TSNARE1: variants seen among roughly 807,000 people sequenced by gnomAD.
TSNARE1 encodes the protein t-SNARE domain-containing protein 1.
Under a neutral mutation model 62.0 loss-of-function variants are expected in TSNARE1, and 49 were observed. That is an observed-to-expected ratio of 0.79 (90% CI 0.63 to 1.00). The LOEUF (loss-of-function observed/expected upper bound fraction) is 1.00, where lower values mean the gene tolerates loss of function less well. TSNARE1 is among the 50% of genes least tolerant of loss of function. The pLI, the probability that TSNARE1 is intolerant of heterozygous loss-of-function variation, is 0.00. For synonymous variants in TSNARE1, 328 were observed against 294.4 expected (o/e 1.11, Z -1.17); for missense variants, 755 against 700.1 (o/e 1.08, Z -0.88).
intron 12 of TSNARE1, among the ~76,000 whole-genome samples, chr8:142,256,123 A>C: frequency 8.2e-6 from 1 of 122,668 alleles, no homozygotes; most frequent in Non-Finnish European, 1.7e-5. Context: ...CACCATCACC[A>C]CCATCATCAC....
chr8:142,330,659 C>G (rs1042454776), intron 6 of TSNARE1, among the ~76,000 whole-genome samples: 1 of 152,218 alleles, frequency 6.6e-6, no homozygotes, highest in African/African-American at 2.4e-5. Flanking sequence ...TACGTCGGGG[C>G]GGGGTGCACC....
chr8:142,357,124 AGAG>A (rs1834809121), intron 1 of TSNARE1, among the ~76,000 whole-genome samples: 1 of 152,202 alleles, frequency 6.6e-6, no homozygotes, highest in Non-Finnish European at 1.5e-5. Flanking sequence ...CCGAGGAAGG[AGAG>A]TTCCAGAAAG....
chr8:142,271,667 C>A, intron 12 of TSNARE1: 4 of 1,393,340 alleles, frequency 2.9e-6, no homozygotes, highest in South Asian at 1.6e-5. Context: ...CCACAAGCAG[C>A]TGGGGGTCTC....
chr8:142,329,830 TA>T (rs1054839301), intron 6 of TSNARE1, among the ~76,000 whole-genome samples: 5 of 152,100 alleles, frequency 3.3e-5, no homozygotes, highest in South Asian at 2.1e-4. Context: ...TTCAGTTTTA[TA>T]AAAGAGCTTA....
At chr8:142,265,726 G>A (rs72687347) in intron 12 of TSNARE1, among the ~76,000 whole-genome samples, 25,075 of 152,224 alleles carry the variant, frequency 0.16, 2,462 homozygotes, top group Middle Eastern at 0.26. Context: ...GTGCATGAGC[G>A]AGCCATTTCT....
At chr8:142,272,928 T>A in intron 12 of TSNARE1, 2 of 985,378 alleles carry the variant, frequency 2.0e-6, no homozygotes, top group Non-Finnish European at 2.4e-6. Flanking sequence ...GGACATTCTA[T>A]GCAGAGGCAA....
At chr8:142,380,142 G>A (rs1836629243) in intron 1 of TSNARE1, among the ~76,000 whole-genome samples, 4 of 152,214 alleles carry the variant, frequency 2.6e-5, no homozygotes. Flanking sequence ...CACGTCACCA[G>A]GCACTGTCCT....
At chr8:142,233,705 C>G (rs1171415692) in intron 12 of TSNARE1, among the ~76,000 whole-genome samples, 1 of 152,198 alleles carries the variant, frequency 6.6e-6, no homozygotes, top group Non-Finnish European at 1.5e-5. Flanking sequence ...GAACCAGTGC[C>G]TAGGTTATGG....
intron 4 of TSNARE1, among the ~76,000 whole-genome samples, chr8:142,332,940 C>CG (rs1478261545): frequency 2.6e-5 from 4 of 152,182 alleles, no homozygotes; most frequent in Non-Finnish European, 1.5e-5. Flanking sequence ...CAAGAGATAC[C>CG]GGGGAAGGGA....
chr8:142,395,051 C>A (rs1276797230), intron 1 of TSNARE1, among the ~76,000 whole-genome samples: 1 of 152,216 alleles, frequency 6.6e-6, no homozygotes, highest in Non-Finnish European at 1.5e-5. Context: ...CATCGCTGTT[C>A]CTGTCCCCCA....
chr8:142,285,429 TGGATA>T (rs199665590), intron 10 of TSNARE1, among the ~76,000 whole-genome samples: 1,288 of 111,770 alleles, frequency 0.012, 6 homozygotes, highest in Non-Finnish European at 0.016. Flanking sequence ...GATGGATGGA[TGGATA>T]GATGTGTGGG....
intron 9 of TSNARE1, 25 bp from the exon 10 acceptor site, chr8:142,300,669 T>C (rs1219130563): frequency 3.1e-6 from 5 of 1,601,048 alleles, no homozygotes; most frequent in African/African-American, 1.3e-5. Context: ...CAGATCTTGT[T>C]AGCACTGACC....
At chr8:142,260,630 A>G (rs1818812780) in intron 12 of TSNARE1, among the ~76,000 whole-genome samples, 1 of 152,128 alleles carries the variant, frequency 6.6e-6, no homozygotes, top group Non-Finnish European at 1.5e-5. Flanking sequence ...CGATGTGGCC[A>G]GAGACCTCTC....
chr8:142,241,640 T>C (rs1817671198), intron 12 of TSNARE1, among the ~76,000 whole-genome samples: 1 of 152,202 alleles, frequency 6.6e-6, no homozygotes, highest in African/African-American at 2.4e-5. Context: ...AGCAGGGTAC[T>C]GGCACAAAAA....
intron 12 of TSNARE1, among the ~76,000 whole-genome samples, chr8:142,269,031 G>A (rs909622192): frequency 2.0e-5 from 3 of 152,228 alleles, no homozygotes; most frequent in Non-Finnish European, 2.9e-5. Flanking sequence ...CTTAGTATAC[G>A]TTTTCTGTAG....
Position 142,274,781 on chromosome 8 carries a change from T to C in TSNARE1, c.1446A>G (p.Gln482=), listed in dbSNP as rs1194189823. ...CACTGTGGCCCTCACACGGACTTAC[T>C]TGGTGCCGGCTGGCTCCAGCCAGGA... The part of the protein sequence containing the change: ...RQLLAGASRH[Q]LQRHKIKCCF... Residue 482 remains glutamine (Q), a splice_region_variant and synonymous_variant, in exon 12 of 14, where the codon CAA becomes CAG. Coordinates refer to ENST00000524325, the MANE Select transcript of TSNARE1 (RefSeq NM_145003.5). 2 of 1,564,506 alleles carry C rather than the reference T, an allele frequency of 1.3e-6. No individual in the cohort carries two copies. Among genetic ancestry groups the C allele is most frequent in the Non-Finnish European group, 1.7e-6 (2 of 1,156,018 alleles).
intron 1 of TSNARE1, among the ~76,000 whole-genome samples, chr8:142,387,571 C>T (rs1176730070): frequency 6.6e-6 from 1 of 151,940 alleles, no homozygotes; most frequent in African/African-American, 2.4e-5. Flanking sequence ...ACGGAAATAA[C>T]CGCAGAAACC....
At chr8:142,356,394 G>A (rs1039150604) in intron 1 of TSNARE1, among the ~76,000 whole-genome samples, 1 of 152,220 alleles carries the variant, frequency 6.6e-6, no homozygotes, top group Non-Finnish European at 1.5e-5. Flanking sequence ...CAGGAAGTTA[G>A]GTCTCAGTAG....
intron 12 of TSNARE1, among the ~76,000 whole-genome samples, chr8:142,258,075 CT>C (rs1167191601): frequency 6.6e-6 from 1 of 152,172 alleles, no homozygotes; most frequent in East Asian, 1.9e-4. Flanking sequence ...AAAACCTATG[CT>C]CATGCACACA....
Sources: allele counts gnomAD v4.1 joint callset (sites outside exome capture counted in the v4.1 genomes callset), GRCh38; gene constraint gnomAD v4.1.1; transcripts MANE v1.5; gene names NCBI Gene and HGNC (gene_info 2026-07-23, HGNC 2026-07-21).